SLC36A1: variants seen among roughly 807,000 people sequenced by gnomAD.
The protein encoded by SLC36A1 is proton-coupled amino acid transporter 1.
Under a neutral mutation model 47.5 loss-of-function variants are expected in SLC36A1, and 30 were observed. That is an observed-to-expected ratio of 0.63 (90% CI 0.47 to 0.86). The LOEUF (loss-of-function observed/expected upper bound fraction) is 0.86, where lower values mean the gene tolerates loss of function less well. SLC36A1 is among the 40% of genes least tolerant of loss of function. The probability of loss-of-function intolerance (pLI) is 0.00; values close to 1 mark genes in which losing one functional copy is unlikely to be tolerated. For missense variants in SLC36A1, 517 were observed against 606.0 expected, an observed-to-expected ratio of 0.85 and a Z score of 1.54; for synonymous variants, 255 against 249.7, an observed-to-expected ratio of 1.02 and a Z score of -0.20.
chr5:151,534,160 C>A, the SLC36A1 span, among the ~76,000 whole-genome samples: 1 of 152,162 alleles, frequency 6.6e-6, no homozygotes, highest in Non-Finnish European at 1.5e-5. Flanking sequence ...GTCCCCAGGT[C>A]TAAGTGGAAG....
chr5:151,477,039 A>T, intron 9 of SLC36A1: 1 of 501,102 alleles, frequency 2.0e-6, no homozygotes. Context: ...TAGTCCATTC[A>T]TGGTAAACCA....
chr5:151,534,934 C>A, the SLC36A1 span, among the ~76,000 whole-genome samples: 4 of 138,728 alleles, frequency 2.9e-5, no homozygotes, highest in African/African-American at 7.8e-5. Context: ...ATATAAAATG[C>A]ATTTATCCTT....
the SLC36A1 span, among the ~76,000 whole-genome samples, chr5:151,358,438 A>C: frequency 1.3e-5 from 2 of 152,026 alleles, no homozygotes; most frequent in African/African-American, 4.8e-5. Context: ...TGGCCGGCTA[A>C]TTTTTGTAGA....
the SLC36A1 span, among the ~76,000 whole-genome samples, chr5:151,526,742 A>G: frequency 4.6e-5 from 7 of 152,198 alleles, no homozygotes; most frequent in Non-Finnish European, 7.4e-5. Flanking sequence ...GAACAGCCCT[A>G]GGTAATGCAT....
At chr5:151,378,503 G>T in the SLC36A1 span, 2 of 218,082 alleles carry the variant, frequency 9.2e-6, no homozygotes, top group South Asian at 1.6e-4. Flanking sequence ...CTTGAGTCGT[G>T]GGAAACATAA....
At chr5:151,481,654 T>A (rs1758816686) in intron 10 of SLC36A1, among the ~76,000 whole-genome samples, 1 of 151,744 alleles carries the variant, frequency 6.6e-6, no homozygotes, top group Non-Finnish European at 1.5e-5. Context: ...TTTTTTTCCC[T>A]CTTGGAATTC....
the SLC36A1 span, among the ~76,000 whole-genome samples, chr5:151,538,360 A>G: frequency 6.6e-6 from 1 of 152,200 alleles, no homozygotes; most frequent in African/African-American, 2.4e-5. Flanking sequence ...GGAAGGTGTC[A>G]GGTCAACCTC....
At chr5:151,432,317 G>A (rs754562651), upstream of SLC36A1, among the ~76,000 whole-genome samples, 8 of 152,250 alleles carry the variant, frequency 5.3e-5, no homozygotes, top group East Asian at 9.6e-4. Context: ...TTGCAAAGGC[G>A]GTCAGCAAAG....
chr5:151,538,564 A>G, the SLC36A1 span, among the ~76,000 whole-genome samples: 2 of 152,060 alleles, frequency 1.3e-5, no homozygotes, highest in Non-Finnish European at 2.9e-5. Context: ...TGAGAATTCA[A>G]TTTTTCTTCA....
chr5:151,505,834 C>T, the SLC36A1 span: 1 of 1,613,286 alleles, frequency 6.2e-7, no homozygotes, highest in South Asian at 1.1e-5. Flanking sequence ...ACCAGGCGCT[C>T]CCGGGGACTA....
chr5:151,494,460 A>C (rs1385794785), downstream of SLC36A1, among the ~76,000 whole-genome samples: 3 of 152,108 alleles, frequency 2.0e-5, no homozygotes, highest in African/African-American at 7.2e-5. Context: ...AATCAATCCC[A>C]TCCTCACACC....
the SLC36A1 span, among the ~76,000 whole-genome samples, chr5:151,546,707 AC>A: frequency 6.6e-6 from 1 of 151,658 alleles, no homozygotes; most frequent in Non-Finnish European, 1.5e-5. Flanking sequence ...AGAATTTTTA[AC>A]CATCTTTTGT....
At chr5:151,540,429 C>T in the SLC36A1 span, 2 of 552,932 alleles carry the variant, frequency 3.6e-6, no homozygotes, top group Non-Finnish European at 6.5e-6. Context: ...GCCCCTCAAT[C>T]TCCCTTCTCC....
In SLC36A1 at chr5:151,487,995, T is replaced by A. The variant is rs781059910; in HGVS notation, c.1172T>A (p.Ile391Asn). 4 of 1,614,040 alleles carry A rather than the reference T, an allele frequency of 2.5e-6. No individual in the cohort carries two copies. In the South Asian group the frequency reaches 3.3e-5, roughly 13 times the overall value. ...VLVCLTCILA[I>N]LIPRLDLVIS... ...TCTCTCCCTGCAGGCATCTTGGCCA[T>A]CCTCATCCCCCGCCTGGACCTGGTC... Residue 391 changes from isoleucine (I) to asparagine (N), a missense_variant, in exon 11 of 11, where the codon ATC becomes AAC. Transcript: ENST00000243389.
chr5:151,529,179 G>A, the SLC36A1 span: 21 of 1,613,670 alleles, frequency 1.3e-5, no homozygotes, highest in Middle Eastern at 3.3e-4. Flanking sequence ...GATCCTTACC[G>A]TGAGGATGAC....
chr5:151,494,220 G>A (rs932838702), downstream of SLC36A1, among the ~76,000 whole-genome samples: 8 of 152,074 alleles, frequency 5.3e-5, no homozygotes, highest in Non-Finnish European at 8.8e-5. Context: ...TGCCCATTGC[G>A]GTTGTGCTGA....
the SLC36A1 span, chr5:151,532,100 A>G: frequency 8.3e-7 from 1 of 1,205,208 alleles, no homozygotes; most frequent in South Asian, 1.5e-5. Context: ...GCTTGGGTAT[A>G]TGAAGAGTGA....
the SLC36A1 span, chr5:151,540,599 C>T: frequency 6.2e-7 from 1 of 1,613,986 alleles, no homozygotes; most frequent in Non-Finnish European, 8.5e-7. Flanking sequence ...TCATTGACGT[C>T]CAGGACAAAG....
At chr5:151,359,031 C>T in the SLC36A1 span, among the ~76,000 whole-genome samples, 31 of 151,274 alleles carry the variant, frequency 2.0e-4, no homozygotes, top group East Asian at 5.8e-4. Context: ...AGTCCCACCC[C>T]GGAGTGTTGA....
Sources: allele counts gnomAD v4.1 joint callset (sites outside exome capture counted in the v4.1 genomes callset), GRCh38; gene constraint gnomAD v4.1.1; transcripts MANE v1.5; gene names NCBI Gene and HGNC (gene_info 2026-07-23, HGNC 2026-07-21).